The following SCARB1 variants were observed in gnomAD, a reference collection of about 807,000 sequenced individuals.
The protein encoded by SCARB1 is scavenger receptor class B member 1.
Under a neutral mutation model 57.2 loss-of-function variants are expected in SCARB1, and 30 were observed. The ratio of observed to expected loss-of-function variants is 0.52; its 90% CI spans 0.39 to 0.71. The LOEUF (loss-of-function observed/expected upper bound fraction) is 0.71. Among genes scored for constraint, SCARB1 ranks in the 30% least tolerant of loss-of-function variants. The pLI is 0.00. For missense variants in SCARB1, 543 were observed against 671.2 expected, an observed-to-expected ratio of 0.81 and a Z score of 2.11; for synonymous variants, 249 against 268.3, an observed-to-expected ratio of 0.93 and a Z score of 0.70.
chr12:124,800,369 G>C lies in SCARB1; in HGVS notation c.1010-127C>G. On this transcript the variant is annotated intron_variant, in intron 7 of 12. Coordinates refer to ENST00000261693, the MANE Select transcript of SCARB1 (RefSeq NM_005505.5). This position sits in a 1 kb window ranked among gnomAD's most constrained non-coding sequence, Gnocchi z 4.8. Reference sequence around the variant, plus strand: ...GTGGCGATGACAAGATAACCAGACAGAGAGGATCCCTTCCTCCATTCTGTA... The same window carrying C: ...GTGGCGATGACAAGATAACCAGACACAGAGGATCCCTTCCTCCATTCTGTA... The C allele has an allele frequency of 1.5e-6, 1 of 676,058 alleles. No homozygotes were observed. Among genetic ancestry groups the C allele is most frequent in the South Asian group, 1.8e-5 (1 of 56,538 alleles). 41.9% of individuals were successfully genotyped at this position (676,058 alleles called of 1,614,324 possible).
At chr12:124,842,222 C>T (rs1951936176) in intron 1 of SCARB1, among the ~76,000 whole-genome samples, 1 of 152,214 alleles carries the variant, frequency 6.6e-6, no homozygotes, top group Non-Finnish European at 1.5e-5. Flanking sequence ...AGCAAGAGGG[C>T]ACCATGCCAG....
chr12:124,812,676 T>C lies in SCARB1; in HGVS notation c.631-711A>G, dbSNP rs1321289706. ...AAGACATGCAAAGCACAAAGTGGTATGAGTGACTGAAGGAAATATCTAGAA... is the reference window on the plus strand; with the variant it reads ...AAGACATGCAAAGCACAAAGTGGTACGAGTGACTGAAGGAAATATCTAGAA... On this transcript the variant is annotated intron_variant, in intron 4 of 12. Coordinates refer to ENST00000261693, the MANE Select transcript of SCARB1 (RefSeq NM_005505.5). The surrounding 1 kb of genome is among the most constrained non-coding windows in gnomAD (Gnocchi z 4.3). Among the ~76,000 whole-genome samples the C allele has an allele frequency of 6.6e-6, 1 of 152,160 alleles. No individual in the cohort carries two copies. The highest frequency in any genetic ancestry group is 6.5e-5 in the Admixed American group (1 of 15,280).
rs200734520 is a variant in SCARB1 at position 124,845,850 on chromosome 12, CA to C, written c.126+17744del. 2.0e-3 allele frequency among the ~76,000 whole-genome samples: 219 copies of C among 108,738 alleles called. 1 individual carries two copies. The highest frequency in any genetic ancestry group is 0.012 in the Middle Eastern group (2 of 172). 71.3% of individuals were successfully genotyped at this position (108,738 alleles called of 152,430 possible). Reference sequence around the variant, plus strand: ...GTGAAACCCGTCTCTACTAAAAATACAAAAAAAAAAAATTAGCCGGGTGTGG... The same window carrying C: ...GTGAAACCCGTCTCTACTAAAAATACAAAAAAAAAAATTAGCCGGGTGTGG... On this transcript the variant is annotated intron_variant, in intron 1 of 12. Coordinates refer to ENST00000261693, the MANE Select transcript of SCARB1 (RefSeq NM_005505.5).
At chr12:124,815,969 G>C (rs901864800) in intron 2 of SCARB1, among the ~76,000 whole-genome samples, 1 of 152,166 alleles carries the variant, frequency 6.6e-6, no homozygotes, top group African/African-American at 2.4e-5. Flanking sequence ...CCCTCAGCAA[G>C]GCTCAGGCCT....
At chr12:124,827,207 G>A (rs1034970515) in intron 1 of SCARB1, among the ~76,000 whole-genome samples, 4 of 152,094 alleles carry the variant, frequency 2.6e-5, no homozygotes, top group East Asian at 1.9e-4. Flanking sequence ...CTTAAGAGCC[G>A]AGCTCCCCGA....
Position 124,811,864 on chromosome 12 carries a change from C to G in SCARB1, c.726+6G>C, listed in dbSNP as rs1326648785. The G allele has an allele frequency of 6.2e-7, 1 of 1,608,062 alleles. No individual in the cohort carries two copies. The stretch of plus-strand genomic sequence containing the variant: ...GCGACAGGGGCCCTCGCCTCTCGCC[C>G]CTCACCTTGCTCAGCCCGTTCCACT... On this transcript the variant is annotated splice_donor_region_variant and intron_variant, in intron 5 of 12. Transcript: ENST00000261693.
At chr12:124,861,636 G>A (rs912742559) in intron 1 of SCARB1, among the ~76,000 whole-genome samples, 6 of 152,174 alleles carry the variant, frequency 3.9e-5, no homozygotes, top group Admixed American at 1.3e-4. Context: ...GCACTTGGCC[G>A]CTGCTCCAGC....
At chr12:124,813,432 TAA>T (rs1277187324) in intron 4 of SCARB1, among the ~76,000 whole-genome samples, 1 of 152,214 alleles carries the variant, frequency 6.6e-6, no homozygotes, top group Non-Finnish European at 1.5e-5. Flanking sequence ...CCAGATCACT[TAA>T]GACCATGAAG....
At chr12:124,862,997 A>T (rs1952963189) in intron 1 of SCARB1, among the ~76,000 whole-genome samples, 1 of 152,210 alleles carries the variant, frequency 6.6e-6, no homozygotes, top group Admixed American at 6.5e-5. Flanking sequence ...TCATGGAGGC[A>T]GTGAGCAGGG....
chr12:124,807,993 A>G lies in SCARB1; in HGVS notation c.843-66T>C. ...GGCGGCCAGAGCCAGGCCCTGCCAAAGGCTGCCCAGATCCAGCCACTTCTC... is the reference window on the plus strand; with the variant it reads ...GGCGGCCAGAGCCAGGCCCTGCCAAGGGCTGCCCAGATCCAGCCACTTCTC... On this transcript the variant is annotated intron_variant, in intron 6 of 12. Transcript: ENST00000261693. The surrounding 1 kb of genome is among the most constrained non-coding windows in gnomAD (Gnocchi z 5.3). 1 of 1,529,578 alleles carries G rather than the reference A, an allele frequency of 6.5e-7. No individual in the cohort carries two copies. Among genetic ancestry groups the G allele is most frequent in the Non-Finnish European group, 9.0e-7 (1 of 1,106,198 alleles). The allele number at this position is 1,529,578 out of a possible 1,614,324, so 94.8% of individuals were successfully genotyped here.
chr12:124,828,155 C>T (rs868158003), intron 1 of SCARB1, among the ~76,000 whole-genome samples: 13 of 151,758 alleles, frequency 8.6e-5, no homozygotes, highest in African/African-American at 3.2e-4. Flanking sequence ...CAGAGAGTAC[C>T]GCCTGTTTAG....
At chr12:124,854,729 C>T (rs964583023) in intron 1 of SCARB1, among the ~76,000 whole-genome samples, 7 of 152,196 alleles carry the variant, frequency 4.6e-5, no homozygotes, top group African/African-American at 1.2e-4. Flanking sequence ...GATGTTGGCC[C>T]GGGCAACTGG....
intron 1 of SCARB1, among the ~76,000 whole-genome samples, chr12:124,845,430 C>T (rs1206665976): frequency 1.3e-5 from 2 of 151,318 alleles, no homozygotes; most frequent in Admixed American, 1.3e-4. Flanking sequence ...CACGGTGGCT[C>T]AGGCCTGTAA....
At chr12:124,848,400 G>A (rs1313503701) in intron 1 of SCARB1, among the ~76,000 whole-genome samples, 2 of 152,186 alleles carry the variant, frequency 1.3e-5, no homozygotes. Flanking sequence ...ATTTTTTAAT[G>A]AACAACTATG....
chr12:124,863,529 C>T (rs889366118), intron 1 of SCARB1, 66 bp downstream of exon 1: 7 of 1,544,248 alleles, frequency 4.5e-6, no homozygotes, highest in Non-Finnish European at 6.1e-6. Context: ...CGCGCGGGTC[C>T]TCCCGGCGCC....
rs1385427218 is a variant in SCARB1, at chr12:124,796,840, AAC to A, written c.1129-1574_1129-1573del. On this transcript the variant is annotated intron_variant, in intron 8 of 12. Transcript: ENST00000261693. The surrounding 1 kb of genome is among the most constrained non-coding windows in gnomAD (Gnocchi z 4.0). ...TGGGCATGAGATCACCCGTGAGTAG[AAC>A]AGAGTTCACGCCACAGGCCTGAAGC... Among the ~76,000 whole-genome samples the A allele has an allele frequency of 1.3e-5, 2 of 152,142 alleles. No individual in the cohort carries two copies. The highest frequency in any genetic ancestry group is 4.8e-5 in the African/African-American group (2 of 41,412).
chr12:124,857,919 C>T (rs1342090829), intron 1 of SCARB1, among the ~76,000 whole-genome samples: 1 of 152,200 alleles, frequency 6.6e-6, no homozygotes, highest in African/African-American at 2.4e-5. Flanking sequence ...TGACCCCTTC[C>T]CTGCAGCCCA....
intron 2 of SCARB1, among the ~76,000 whole-genome samples, chr12:124,816,911 GT>G (rs1224981051): frequency 6.6e-6 from 1 of 151,914 alleles, no homozygotes; most frequent in African/African-American, 2.4e-5. Flanking sequence ...CAACTCTGTG[GT>G]CCTTGGGCCA....
intron 6 of SCARB1, among the ~76,000 whole-genome samples, chr12:124,809,189 G>C (rs973435891): frequency 7.2e-5 from 11 of 152,164 alleles, no homozygotes; most frequent in Admixed American, 3.9e-4. Flanking sequence ...CACTCGGCGA[G>C]AAGAGGGGGT....
Sources: gnomAD v4.1 joint callset for allele counts (sites outside exome capture counted in the v4.1 genomes callset) on GRCh38, gnomAD v4.1.1 for gene constraint, Gnocchi (gnomAD v3.1) non-coding constraint, MANE v1.5 for transcripts, NCBI Gene and HGNC (gene_info 2026-07-23, HGNC 2026-07-21) for gene names.